Variants in LOC128706665 observed in about 807,000 individuals in gnomAD.
chr20:10,431,208 T>C, the LOC128706665 span, among the ~76,000 whole-genome samples: 1 of 152,182 alleles, frequency 6.6e-6, no homozygotes, highest in East Asian at 1.9e-4. Context: ...AAAGCAATTA[T>C]ATATTATCAT....
At chr20:10,420,049 A>G in the LOC128706665 span, among the ~76,000 whole-genome samples, 1 of 152,182 alleles carries the variant, frequency 6.6e-6, no homozygotes, top group East Asian at 1.9e-4. Flanking sequence ...AATTATGGAT[A>G]AGGGACTATA....
the LOC128706665 span, among the ~76,000 whole-genome samples, chr20:10,424,780 G>A: frequency 3.3e-5 from 5 of 151,936 alleles, no homozygotes; most frequent in African/African-American, 9.7e-5. Context: ...AGCAGGGCAC[G>A]GTGGCTCATG....
the LOC128706665 span, among the ~76,000 whole-genome samples, chr20:10,431,137 G>T: frequency 6.6e-6 from 1 of 152,102 alleles, no homozygotes; most frequent in South Asian, 2.1e-4. Flanking sequence ...TTTATTGGGA[G>T]TATATTATCT....
At chr20:10,432,789 C>CAAAAAAAA in the LOC128706665 span, among the ~76,000 whole-genome samples, 67 of 74,574 alleles carry the variant, frequency 9.0e-4, 3 homozygotes, top group Non-Finnish European at 1.3e-3. Flanking sequence ...GACTCTTTGT[C>CAAAAAAAA]AAAAAAAAAA....
At chr20:10,421,549 G>T in the LOC128706665 span, among the ~76,000 whole-genome samples, 5 of 152,166 alleles carry the variant, frequency 3.3e-5, no homozygotes, top group African/African-American at 1.2e-4. Context: ...AACTGCGATT[G>T]CAACAGCTGA....
the LOC128706665 span, among the ~76,000 whole-genome samples, chr20:10,416,391 G>A: frequency 1.3e-5 from 2 of 152,010 alleles, no homozygotes; most frequent in East Asian, 3.9e-4. Context: ...TGTTATTAAA[G>A]ACTACGTGGG....
the LOC128706665 span, among the ~76,000 whole-genome samples, chr20:10,421,434 A>C: frequency 6.6e-6 from 1 of 150,830 alleles, no homozygotes; most frequent in Non-Finnish European, 1.5e-5. Flanking sequence ...AAAAAAAAAA[A>C]ATTACATTTA....
chr20:10,430,881 G>A, the LOC128706665 span, among the ~76,000 whole-genome samples: 2 of 152,184 alleles, frequency 1.3e-5, no homozygotes, highest in Non-Finnish European at 2.9e-5. Flanking sequence ...AAACTTGGTC[G>A]ACATTTTCAG....
chr20:10,423,071 C>A, the LOC128706665 span, among the ~76,000 whole-genome samples: 2 of 151,966 alleles, frequency 1.3e-5, no homozygotes, highest in African/African-American at 4.8e-5. Flanking sequence ...TCTCCATGAT[C>A]ATTAACATAA....
the LOC128706665 span, among the ~76,000 whole-genome samples, chr20:10,426,693 C>T: frequency 2.6e-5 from 4 of 152,210 alleles, no homozygotes; most frequent in African/African-American, 9.6e-5. Context: ...CCATGCACGC[C>T]CCGTGGCATG....
chr20:10,430,297 C>T, the LOC128706665 span, among the ~76,000 whole-genome samples: 1 of 152,194 alleles, frequency 6.6e-6, no homozygotes, highest in East Asian at 1.9e-4. Flanking sequence ...TACCACTTTA[C>T]AACTGGCTGT....
the LOC128706665 span, among the ~76,000 whole-genome samples, chr20:10,429,248 G>C: frequency 0.024 from 3,612 of 152,160 alleles, 66 homozygotes; most frequent in Non-Finnish European, 0.041. Flanking sequence ...TCTCCCTGTA[G>C]CCTTTTGATG....
At chr20:10,417,231 G>C in the LOC128706665 span, among the ~76,000 whole-genome samples, 1 of 132,978 alleles carries the variant, frequency 7.5e-6, no homozygotes, top group Non-Finnish European at 1.6e-5. Flanking sequence ...GGGTGACAGA[G>C]TGAGACTCCA....
chr20:10,430,176 A>G, the LOC128706665 span, among the ~76,000 whole-genome samples: 1 of 152,210 alleles, frequency 6.6e-6, no homozygotes, highest in Non-Finnish European at 1.5e-5. Context: ...GATCCTGCCT[A>G]CCAGTTTTCA....
the LOC128706665 span, among the ~76,000 whole-genome samples, chr20:10,432,498 A>G: frequency 2.0e-5 from 3 of 152,160 alleles, no homozygotes; most frequent in East Asian, 5.8e-4. Flanking sequence ...CCTGATTTAA[A>G]AATTGTGTAG....
At chr20:10,427,029 G>GACTGAC in the LOC128706665 span, among the ~76,000 whole-genome samples, 1 of 130,724 alleles carries the variant, frequency 7.6e-6, no homozygotes, top group African/African-American at 3.1e-5. Context: ...AGAAAACACT[G>GACTGAC]ACACACACAC....
chr20:10,422,434 A>G, the LOC128706665 span, among the ~76,000 whole-genome samples: 16 of 152,190 alleles, frequency 1.1e-4, no homozygotes, highest in Non-Finnish European at 2.1e-4. Flanking sequence ...TGTGAAGTCC[A>G]AAGGCAAAAG....
chr20:10,421,329 C>CAGG, the LOC128706665 span, among the ~76,000 whole-genome samples: 1 of 149,350 alleles, frequency 6.7e-6, no homozygotes, highest in Non-Finnish European at 1.5e-5. Flanking sequence ...GAGGCTGAGT[C>CAGG]AGGAGACTTG....
the LOC128706665 span, among the ~76,000 whole-genome samples, chr20:10,425,089 C>T: frequency 6.6e-6 from 1 of 151,542 alleles, no homozygotes; most frequent in East Asian, 1.9e-4. Flanking sequence ...ATTAGCATTA[C>T]TGTTCTTTTC....
Sources: gnomAD v4.1 joint callset for allele counts (sites outside exome capture counted in the v4.1 genomes callset) on GRCh38, gnomAD v4.1.1 for gene constraint, MANE v1.5 for transcripts.